Variants in ULK4 observed in about 807,000 individuals in gnomAD.
The protein encoded by ULK4 is unc-51 like kinase 4.
In ULK4, 133 loss-of-function variants were observed where a neutral mutation model predicts 160.6. That is an observed-to-expected ratio of 0.83 (90% confidence interval 0.72 to 0.96). The LOEUF is 0.96. ULK4 is among the 40% of genes least tolerant of loss of function. The pLI, the probability that ULK4 is intolerant of heterozygous loss-of-function variation, is 0.00. For missense variants in ULK4, 1,580 were observed against 1,499.5 expected (o/e 1.05, Z -0.89); for synonymous variants, 534 against 539.8 (o/e 0.99, Z 0.15).
chr3:41,904,933 AC>A (rs1698500694), intron 12 of ULK4, among the ~76,000 whole-genome samples: 1 of 152,240 alleles, frequency 6.6e-6, no homozygotes, highest in Non-Finnish European at 1.5e-5. Context: ...AAATTGATCT[AC>A]ACATTCAATG....
At chr3:41,547,853 T>G (rs1354488725) in intron 32 of ULK4, among the ~76,000 whole-genome samples, 1 of 152,154 alleles carries the variant, frequency 6.6e-6, no homozygotes, top group Non-Finnish European at 1.5e-5. Flanking sequence ...TCCTACACCA[T>G]GAAAACAAGC....
intron 35 of ULK4, among the ~76,000 whole-genome samples, chr3:41,332,773 A>C (rs993800531): frequency 1.2e-4 from 18 of 152,060 alleles, no homozygotes; most frequent in African/African-American, 4.3e-4. Context: ...CACAGTACCC[A>C]ATGGTTAGTT....
intron 20 of ULK4, among the ~76,000 whole-genome samples, chr3:41,794,660 CAA>C (rs71075484): frequency 0.014 from 260 of 18,944 alleles, no homozygotes; most frequent in African/African-American, 0.028. Context: ...GACTCTGTCT[CAA>C]AAAAAAAAAA....
chr3:41,424,100 C>T (rs371773934), intron 34 of ULK4, among the ~76,000 whole-genome samples: 72 of 152,172 alleles, frequency 4.7e-4, no homozygotes, highest in African/African-American at 1.7e-3. Context: ...CTTTCCCCTG[C>T]CAGTGCTGGA....
intron 2 of ULK4, among the ~76,000 whole-genome samples, chr3:41,948,627 T>C (rs550317964): frequency 3.1e-4 from 46 of 146,850 alleles, no homozygotes; most frequent in African/African-American, 1.1e-3. Context: ...TGGTTGAACA[T>C]ACGAAAATGT....
At chr3:41,684,801 T>C (rs2036045626) in intron 27 of ULK4, among the ~76,000 whole-genome samples, 1 of 152,256 alleles carries the variant, frequency 6.6e-6, no homozygotes, top group Non-Finnish European at 1.5e-5. Flanking sequence ...TGAGTAGCTA[T>C]TGAAACTAAT....
chr3:41,859,192 G>C (rs530014858), intron 17 of ULK4, among the ~76,000 whole-genome samples: 2 of 152,328 alleles, frequency 1.3e-5, no homozygotes, highest in African/African-American at 4.8e-5. Context: ...CTTCATTGTA[G>C]AATAAGACAT....
chr3:41,258,815 A>G (rs2125674582), intron 35 of ULK4, among the ~76,000 whole-genome samples: 1 of 152,192 alleles, frequency 6.6e-6, no homozygotes, highest in East Asian at 1.9e-4. Flanking sequence ...GAATTATACT[A>G]AATACATAAA....
chr3:41,910,338 T>C (rs1698736031), intron 11 of ULK4, among the ~76,000 whole-genome samples: 1 of 152,208 alleles, frequency 6.6e-6, no homozygotes, highest in Non-Finnish European at 1.5e-5. Flanking sequence ...GTGGCTCATG[T>C]GTGTAATCGC....
At chr3:41,940,770 A>C (rs1699925926) in intron 2 of ULK4, among the ~76,000 whole-genome samples, 1 of 152,234 alleles carries the variant, frequency 6.6e-6, no homozygotes, top group Non-Finnish European at 1.5e-5. Context: ...CTATTGCAAA[A>C]GGAATCTTTA....
Position 41,733,725 on chromosome 3 carries a change from A to ATTTTTTTTT in ULK4, c.2322-15873_2322-15865dup, listed in dbSNP as rs778572755. On this transcript the variant is annotated intron_variant, in intron 22 of 36. Coordinates refer to ENST00000301831, the MANE Select transcript of ULK4 (RefSeq NM_017886.4). ...TGCCTTGAATTCAACTAAACACATGATTTTTTTTTTTTTTTTTTTTTTTTT... is the reference window on the plus strand; with the variant it reads ...TGCCTTGAATTCAACTAAACACATGATTTTTTTTTTTTTTTTTTTTTTTTTTTTTTTTTT... Among the ~76,000 whole-genome samples, 40 of 93,598 alleles carry ATTTTTTTTT rather than the reference A, an allele frequency of 4.3e-4. 8 individuals carry two copies. The highest frequency in any genetic ancestry group is 2.4e-3 in the African/African-American group (39 of 15,970). 61.4% of individuals were successfully genotyped at this position (93,598 alleles called of 152,430 possible). A position where few individuals can be genotyped will look rare whatever the true frequency, so the allele number is the denominator to read the frequency against.
At chr3:41,914,457 CAT>C (rs1183895152) in intron 8 of ULK4, among the ~76,000 whole-genome samples, 4 of 152,310 alleles carry the variant, frequency 2.6e-5, no homozygotes, top group Non-Finnish European at 4.4e-5. Flanking sequence ...AGCTTTCTAA[CAT>C]ATTGTTGCTG....
At chr3:41,923,102 A>G (rs1699252314) in intron 5 of ULK4, among the ~76,000 whole-genome samples, 1 of 151,628 alleles carries the variant, frequency 6.6e-6, no homozygotes, top group Non-Finnish European at 1.5e-5. Context: ...TGGGAGGCAG[A>G]GGTTGCACTG....
chr3:41,426,340 C>T (rs565106852), intron 34 of ULK4, among the ~76,000 whole-genome samples: 6 of 152,184 alleles, frequency 3.9e-5, no homozygotes, highest in African/African-American at 1.4e-4. Context: ...GAGACTTTAC[C>T]CCACTGTCAG....
At chr3:41,514,957 A>G (rs963279480) in intron 32 of ULK4, among the ~76,000 whole-genome samples, 1 of 152,214 alleles carries the variant, frequency 6.6e-6, no homozygotes, top group African/African-American at 2.4e-5. Context: ...ATGAGTCACT[A>G]AAGAACAGAT....
Position 41,556,094 on chromosome 3 carries a change from C to T in ULK4, c.3226+9931G>A, listed in dbSNP as rs112206566. ...AATGAGTACTAGGCTTAATACCTGG[C>T]TGATGACATAATCTGTACAATAAAC... On this transcript the variant is annotated intron_variant, in intron 32 of 36. Coordinates refer to ENST00000301831, the MANE Select transcript of ULK4 (RefSeq NM_017886.4). Among the ~76,000 whole-genome samples the T allele has an allele frequency of 9.8e-3, 1,499 of 152,192 alleles. 29 individuals carry two copies. The highest frequency in any genetic ancestry group is 0.033 in the African/African-American group (1,385 of 41,504).
chr3:41,950,794 C>T (rs1700266389), intron 2 of ULK4, among the ~76,000 whole-genome samples: 1 of 152,006 alleles, frequency 6.6e-6, no homozygotes, highest in Non-Finnish European at 1.5e-5. Flanking sequence ...ATTAACCAAA[C>T]AGGTGGAAAG....
At chr3:41,931,253 T>G (rs1699586187) in intron 5 of ULK4, among the ~76,000 whole-genome samples, 1 of 152,010 alleles carries the variant, frequency 6.6e-6, no homozygotes, top group South Asian at 2.1e-4. Context: ...ACACCACATA[T>G]TCTCACTCGT....
At chr3:41,734,309 T>G (rs6777643) in intron 22 of ULK4, among the ~76,000 whole-genome samples, 20,402 of 152,162 alleles carry the variant, frequency 0.13, 4,453 homozygotes, top group African/African-American at 0.46. Flanking sequence ...TAACTGCATA[T>G]AGTGTTACTG....
Sources: allele counts gnomAD v4.1 joint callset (sites outside exome capture counted in the v4.1 genomes callset), GRCh38; gene constraint gnomAD v4.1.1; transcripts MANE v1.5; gene names NCBI Gene and HGNC (gene_info 2026-07-23, HGNC 2026-07-21).